Variants in RNF144A observed in about 807,000 individuals in gnomAD.
RNF144A encodes ring finger protein 144A.
Under a neutral mutation model 38.7 loss-of-function variants are expected in RNF144A, and 11 were observed. That is an observed-to-expected ratio of 0.28 (90% CI 0.18 to 0.47). The LOEUF (loss-of-function observed/expected upper bound fraction) is 0.47, where lower values mean the gene tolerates loss of function less well. Among genes scored for constraint, RNF144A ranks in the 20% least tolerant of loss-of-function variants. The probability of loss-of-function intolerance (pLI) is 0.99; values close to 1 mark genes in which losing one functional copy is unlikely to be tolerated. For synonymous variants in RNF144A, 149 were observed against 143.9 expected, an observed-to-expected ratio of 1.04 and a Z score of -0.25; for missense variants, 316 against 377.2, an observed-to-expected ratio of 0.84 and a Z score of 1.34.
At chr2:7,004,766 A>G (rs1353747158) in intron 3 of RNF144A, among the ~76,000 whole-genome samples, 1 of 152,174 alleles carries the variant, frequency 6.6e-6, no homozygotes, top group African/African-American at 2.4e-5. Context: ...CTCTTCAAAC[A>G]TCTGGAGCTT....
At chr2:7,065,033 T>C (rs1674145905) in intron 6 of RNF144A, among the ~76,000 whole-genome samples, 1 of 152,228 alleles carries the variant, frequency 6.6e-6, no homozygotes, top group Admixed American at 6.5e-5. Flanking sequence ...TGTGATAAAG[T>C]GAGCCTACAA....
At chr2:6,972,722 A>G (rs374441208) in intron 2 of RNF144A, among the ~76,000 whole-genome samples, 152 of 152,314 alleles carry the variant, frequency 1.0e-3, no homozygotes, top group African/African-American at 3.6e-3. Context: ...GTGCATCCCA[A>G]GGAGTCCAAG....
chr2:7,016,133 G>GA (rs1046016193), intron 5 of RNF144A, among the ~76,000 whole-genome samples: 2 of 139,492 alleles, frequency 1.4e-5, no homozygotes, highest in African/African-American at 5.4e-5. Flanking sequence ...GAAAGAAAAA[G>GA]AAAAAAATAT....
At position 7,042,276 on chromosome 2, in the gene RNF144A, C is replaced by T; in HGVS notation, c.*2516C>T. On this transcript the variant is annotated 3_prime_UTR_variant, in exon 9 of 9. Coordinates refer to ENST00000320892, the MANE Select transcript of RNF144A (RefSeq NM_014746.6). ...ATGGAAATAGCACACAGGCAGATGG[C>T]CCTGGGTTTGGACTTTGATCTTGCC... 1 of 985,400 alleles carries T rather than the reference C, an allele frequency of 1.0e-6. No homozygotes were observed. The highest frequency in any genetic ancestry group is 1.2e-6 in the Non-Finnish European group (1 of 829,930). 61.0% of individuals were successfully genotyped at this position (985,400 alleles called of 1,614,324 possible).
At chr2:6,945,144 G>A (rs564835673) in intron 2 of RNF144A, among the ~76,000 whole-genome samples, 3 of 152,246 alleles carry the variant, frequency 2.0e-5, no homozygotes, top group South Asian at 4.1e-4. Context: ...TGGCCGGCTC[G>A]TTGATGGTCT....
intron 5 of RNF144A, among the ~76,000 whole-genome samples, chr2:7,018,360 C>T (rs1394026369): frequency 6.6e-6 from 1 of 152,258 alleles, no homozygotes; most frequent in Non-Finnish European, 1.5e-5. Flanking sequence ...CCTCCTATCT[C>T]ATCAGGGACA....
chr2:7,027,240 C>T (rs1456110541), intron 7 of RNF144A, among the ~76,000 whole-genome samples: 1 of 152,230 alleles, frequency 6.6e-6, no homozygotes, highest in Non-Finnish European at 1.5e-5. Flanking sequence ...CCTGGCCAAG[C>T]GCATCTCCCC....
At chr2:6,935,801 C>T (rs1262515713) in intron 1 of RNF144A, among the ~76,000 whole-genome samples, 1 of 152,224 alleles carries the variant, frequency 6.6e-6, no homozygotes, top group Admixed American at 6.5e-5. Flanking sequence ...GCCACCCTCA[C>T]GAGCCCATGC....
intron 3 of RNF144A, among the ~76,000 whole-genome samples, chr2:7,006,043 AT>A (rs1261434575): frequency 6.7e-6 from 1 of 148,490 alleles, no homozygotes; most frequent in African/African-American, 2.5e-5. Flanking sequence ...AATGAAAAGC[AT>A]TTTTTCCTCG....
chr2:6,956,558 G>A (rs1025032044), intron 2 of RNF144A, among the ~76,000 whole-genome samples: 1 of 152,162 alleles, frequency 6.6e-6, no homozygotes, highest in African/African-American at 2.4e-5. Context: ...ACCATGGAAT[G>A]GTCCAAGGTC....
rs760994387 is a variant in RNF144A, at chr2:7,068,170, T to C, written c.735-46T>C. On this transcript the variant is annotated intron_variant, in intron 6 of 6. Transcript: ENST00000432850. ...TTACACAAGTATCATTGAGTAAGCT[T>C]TTCTGTGCTTTAACAAGTATCAGTG... 3.9e-6 allele frequency: 4 copies of C among 1,015,994 alleles called. No individual in the cohort carries two copies. The South Asian group carries it at 5.3e-5, about 14-fold the overall frequency. 62.9% of individuals were successfully genotyped at this position (1,015,994 alleles called of 1,614,324 possible). A position where few individuals can be genotyped will look rare whatever the true frequency, so the allele number is the denominator to read the frequency against.
chr2:6,971,730 A>G (rs534410179), intron 2 of RNF144A, among the ~76,000 whole-genome samples: 51 of 152,126 alleles, frequency 3.4e-4, no homozygotes, highest in African/African-American at 4.6e-4. Context: ...GTCTTGGACA[A>G]AGGGACTCCC....
At chr2:7,060,732 C>T (rs1443375760) in intron 6 of RNF144A, among the ~76,000 whole-genome samples, 1 of 152,174 alleles carries the variant, frequency 6.6e-6, no homozygotes, top group Admixed American at 6.5e-5. Context: ...AATTTATAAC[C>T]TCTTCTGAGA....
In RNF144A at chr2:6,924,424, C is replaced by T. The variant is rs192752741; in HGVS notation, c.-212+6802C>T. On this transcript the variant is annotated intron_variant, in intron 1 of 8. Transcript: ENST00000320892. ...GCGCCTGAATGTGCCCATCCGAGCG[C>T]ATGTCCTGGGAGTCTGGTGAGGAAG... Among the ~76,000 whole-genome samples, 387 of 152,340 alleles carry T rather than the reference C, an allele frequency of 2.5e-3. 4 individuals carry two copies. Among genetic ancestry groups the T allele is most frequent in the African/African-American group, 8.9e-3 (369 of 41,586 alleles).
chr2:7,019,399 T>A (rs1671364920), intron 5 of RNF144A, among the ~76,000 whole-genome samples: 1 of 152,220 alleles, frequency 6.6e-6, no homozygotes, highest in Non-Finnish European at 1.5e-5. Context: ...GAATCCCATG[T>A]GTGACACAGG....
At chr2:7,039,511 G>T in intron 8 of RNF144A, 118 bp from the exon 9 acceptor site, 8 of 1,517,260 alleles carry the variant, frequency 5.3e-6, no homozygotes, top group East Asian at 2.3e-5. Flanking sequence ...TGGATAGATG[G>T]ATGGTTGGGT....
Position 7,042,418 on chromosome 2 carries a change from T to A in RNF144A, c.*2658T>A. The A allele has an allele frequency of 1.0e-6, 1 of 985,480 alleles. No individual in the cohort carries two copies. Among genetic ancestry groups the A allele is most frequent in the South Asian group, 4.7e-5 (1 of 21,284 alleles). The allele number at this position is 985,480 out of a possible 1,614,324, so 61.0% of individuals were successfully genotyped here. A position where few individuals can be genotyped will look rare whatever the true frequency, so the allele number is the denominator to read the frequency against. On this transcript the variant is annotated 3_prime_UTR_variant, in exon 9 of 9. Coordinates refer to ENST00000320892, the MANE Select transcript of RNF144A (RefSeq NM_014746.6). Reference sequence around the variant, plus strand: ...ATTCACTCTTACAGATGGTGTTCACTGCAAGCCCCAGAAGCATATGGCATG... The same window carrying A: ...ATTCACTCTTACAGATGGTGTTCACAGCAAGCCCCAGAAGCATATGGCATG...
chr2:7,062,497 T>TAAAAAA (rs70942688), intron 6 of RNF144A, among the ~76,000 whole-genome samples: 1 of 113,446 alleles, frequency 8.8e-6, no homozygotes, highest in African/African-American at 3.4e-5. Flanking sequence ...TGCTGGGTGC[T>TAAAAAA]AAAAAAAAAA....
Position 6,962,532 on chromosome 2 carries a change from C to G in RNF144A, c.-12+21385C>G, listed in dbSNP as rs1337588731. Among the ~76,000 whole-genome samples the G allele has an allele frequency of 6.6e-6, 1 of 152,154 alleles. No homozygotes were observed. The highest frequency in any genetic ancestry group is 1.9e-4 in the East Asian group (1 of 5,198). ...AGGACTCTTTTTGATCTCATAATTTCTTTCTACCTCCCATATCAAAACTTT... is the reference window on the plus strand; with the variant it reads ...AGGACTCTTTTTGATCTCATAATTTGTTTCTACCTCCCATATCAAAACTTT... On this transcript the variant is annotated intron_variant, in intron 2 of 8. Coordinates refer to ENST00000320892, the MANE Select transcript of RNF144A (RefSeq NM_014746.6). This position sits in a 1 kb window ranked among gnomAD's most constrained non-coding sequence, Gnocchi z 4.1.
Sources: gnomAD v4.1 joint callset for allele counts (sites outside exome capture counted in the v4.1 genomes callset) on GRCh38, gnomAD v4.1.1 for gene constraint, Gnocchi (gnomAD v3.1) non-coding constraint, MANE v1.5 for transcripts, NCBI Gene and HGNC (gene_info 2026-07-23, HGNC 2026-07-21) for gene names.